Variants in PRKCE observed in about 807,000 individuals in gnomAD.
The protein encoded by PRKCE is protein kinase C epsilon, also known as protein kinase C epsilon type.
In PRKCE, 16 loss-of-function variants were observed where a neutral mutation model predicts 85.4. That is an observed-to-expected ratio of 0.19 (90% CI 0.13 to 0.28). The LOEUF is 0.28. Ranked by LOEUF, PRKCE falls within the 10% of genes least tolerant of loss-of-function variation. PRKCE has a pLI of 1.00. For synonymous variants in PRKCE, 388 were observed against 371.5 expected (o/e 1.04, Z -0.51); for missense variants, 573 against 975.2 (o/e 0.59, Z 5.49).
chr2:46,113,746 T>A (rs1672486139), intron 11 of PRKCE, among the ~76,000 whole-genome samples: 2 of 152,096 alleles, frequency 1.3e-5, no homozygotes, highest in Non-Finnish European at 1.5e-5. Flanking sequence ...GGGGTAGCTT[T>A]TAGGCAAAAA....
intron 14 of PRKCE, among the ~76,000 whole-genome samples, chr2:46,171,482 C>A (rs184999515): frequency 6.6e-6 from 1 of 152,352 alleles, no homozygotes; most frequent in East Asian, 1.9e-4. Context: ...GTGCAGATGG[C>A]TGCATTGATG....
intron 6 of PRKCE, among the ~76,000 whole-genome samples, chr2:45,995,997 C>T (rs762701548): frequency 1.2e-4 from 19 of 152,210 alleles, no homozygotes; most frequent in African/African-American, 3.1e-4. Context: ...TCCATGAATA[C>T]GGTATATCTC....
At chr2:45,826,644 G>A (rs1046091536) in intron 1 of PRKCE, among the ~76,000 whole-genome samples, 8 of 152,124 alleles carry the variant, frequency 5.3e-5, no homozygotes, top group African/African-American at 1.9e-4. Context: ...GTCCCCGGCT[G>A]TCTCACAGAT....
chr2:46,030,144 C>A (rs1331344427), intron 10 of PRKCE, among the ~76,000 whole-genome samples: 3 of 152,192 alleles, frequency 2.0e-5, no homozygotes, highest in African/African-American at 7.2e-5. Context: ...GCAGCATCCT[C>A]ACTGCTGTCT....
At chr2:46,097,632 A>G (rs931221865) in intron 11 of PRKCE, among the ~76,000 whole-genome samples, 3 of 151,890 alleles carry the variant, frequency 2.0e-5, no homozygotes, top group African/African-American at 4.8e-5. Context: ...CCTGGTCCCT[A>G]TGTGACCTGC....
chr2:46,066,536 A>G (rs1303541190), intron 10 of PRKCE, among the ~76,000 whole-genome samples: 1 of 152,250 alleles, frequency 6.6e-6, no homozygotes, highest in Non-Finnish European at 1.5e-5. Context: ...TATATTATCC[A>G]GAACATTTTG....
At chr2:45,676,585 C>T (rs530968771) in intron 1 of PRKCE, 2 of 152,290 alleles carry the variant, frequency 1.3e-5, no homozygotes, top group Non-Finnish European at 2.9e-5. Context: ...TAGCCCAGTC[C>T]GTACAAACAC....
At chr2:46,093,623 G>A (rs752531124) in intron 11 of PRKCE, among the ~76,000 whole-genome samples, 12 of 151,338 alleles carry the variant, frequency 7.9e-5, no homozygotes, top group Non-Finnish European at 1.5e-4. Context: ...GGAACTCCTG[G>A]ATTTGAGCAA....
intron 1 of PRKCE, among the ~76,000 whole-genome samples, chr2:45,755,804 G>C (rs1244402475): frequency 6.6e-6 from 1 of 152,186 alleles, no homozygotes; most frequent in East Asian, 1.9e-4. Context: ...GAGTCCTAAA[G>C]AACTGGCTCA....
At chr2:45,991,960 T>G (rs953958670) in intron 6 of PRKCE, among the ~76,000 whole-genome samples, 7 of 152,216 alleles carry the variant, frequency 4.6e-5, no homozygotes, top group Admixed American at 1.3e-4. Flanking sequence ...TCCGTAGAGT[T>G]AGAATAACTG....
chr2:46,143,095 C>T (rs1037465542), intron 11 of PRKCE, among the ~76,000 whole-genome samples: 2 of 152,190 alleles, frequency 1.3e-5, no homozygotes, highest in African/African-American at 4.8e-5. Context: ...TAATCACCTA[C>T]CTTCTTCCAG....
chr2:45,771,975 G>A (rs1352331235), intron 1 of PRKCE, among the ~76,000 whole-genome samples: 1 of 152,116 alleles, frequency 6.6e-6, no homozygotes, highest in African/African-American at 2.4e-5. Context: ...AACACACACT[G>A]CCGACCATGG....
chr2:45,715,918 C>T (rs1468385189), intron 1 of PRKCE, among the ~76,000 whole-genome samples: 1 of 152,188 alleles, frequency 6.6e-6, no homozygotes, highest in Non-Finnish European at 1.5e-5. Context: ...TGCCTCTCAT[C>T]TCAAAGCACC....
chr2:45,759,156 C>T (rs1451879710), intron 1 of PRKCE, among the ~76,000 whole-genome samples: 3 of 152,190 alleles, frequency 2.0e-5, no homozygotes, highest in Admixed American at 1.3e-4. Flanking sequence ...CATTGAGAAC[C>T]CCTTCTCTAG....
chr2:45,699,762 TAGAG>T (rs1271006066), intron 1 of PRKCE, among the ~76,000 whole-genome samples: 8 of 152,132 alleles, frequency 5.3e-5, no homozygotes, highest in Non-Finnish European at 1.0e-4. Context: ...GTTGGGTCCT[TAGAG>T]AGCAGTGGCT....
At chr2:46,156,146 T>A (rs1677185619) in intron 13 of PRKCE, among the ~76,000 whole-genome samples, 1 of 150,968 alleles carries the variant, frequency 6.6e-6, no homozygotes. Context: ...GATAAAGACC[T>A]TCTCTTCCAC....
At chr2:45,729,145 A>G (rs1681341754) in intron 1 of PRKCE, among the ~76,000 whole-genome samples, 1 of 152,206 alleles carries the variant, frequency 6.6e-6, no homozygotes, top group East Asian at 1.9e-4. Flanking sequence ...GCCTTGATCA[A>G]TGGAACAGAG....
chr2:45,652,047 T>A lies in PRKCE; in HGVS notation c.-54T>A, dbSNP rs1186915888. 1 of 1,413,642 alleles carries A rather than the reference T, an allele frequency of 7.1e-7. No homozygotes were observed. The highest frequency in any genetic ancestry group is 2.3e-5 in the East Asian group (1 of 43,470). 87.6% of individuals were successfully genotyped at this position (1,413,642 alleles called of 1,614,324 possible). ...GGAGTGCCGGGCCGTCGGTTCTTCA[T>A]TCCTGCCCTCGGGGCAGACGGAGTG... is the stretch of plus-strand genomic sequence containing the variant. On this transcript the variant is annotated 5_prime_UTR_variant, in exon 1 of 15. Transcript: ENST00000306156. The surrounding 1 kb of genome is among the most constrained non-coding windows in gnomAD (Gnocchi z 7.7).
chr2:45,863,123 G>C (rs1425620309), intron 2 of PRKCE, among the ~76,000 whole-genome samples: 1 of 152,116 alleles, frequency 6.6e-6, no homozygotes, highest in Non-Finnish European at 1.5e-5. Context: ...TGTGCTTGCG[G>C]TTCCTGGAAG....
Sources: allele counts gnomAD v4.1 joint callset (sites outside exome capture counted in the v4.1 genomes callset), GRCh38; gene constraint gnomAD v4.1.1; non-coding constraint Gnocchi (gnomAD v3.1); transcripts MANE v1.5; gene names NCBI Gene and HGNC (gene_info 2026-07-23, HGNC 2026-07-21).